YY1: variants seen among roughly 807,000 people sequenced by gnomAD.
The protein encoded by YY1 is YY1 transcription factor.
A neutral mutation model predicts 35.6 loss-of-function variants in YY1; 2 were observed. The observed-to-expected ratio is 0.06, with a 90% CI of 0.02 to 0.18. The LOEUF (loss-of-function observed/expected upper bound fraction) is 0.18. Among genes scored for constraint, YY1 ranks in the 10% least tolerant of loss-of-function variants. The pLI is 1.00. For synonymous variants in YY1, 268 were observed against 238.9 expected (o/e 1.12, Z -1.12); for missense variants, 322 against 573.4 (o/e 0.56, Z 4.48).
chr14:100,245,085 CGCT>C (rs1177486138), intron 1 of YY1, among the ~76,000 whole-genome samples: 10 of 151,972 alleles, frequency 6.6e-5, no homozygotes, highest in Admixed American at 6.6e-5. Flanking sequence ...TACAGGCGCC[CGCT>C]GCCACACCCG....
intron 2 of YY1, chr14:100,264,266 T>A (rs1891123006): frequency 6.6e-6 from 1 of 151,514 alleles, no homozygotes; most frequent in South Asian, 2.1e-4. Context: ...AACCCCCACC[T>A]CCTGGGTTCA....
At chr14:100,245,081 C>G (rs538180364) in intron 1 of YY1, among the ~76,000 whole-genome samples, 1 of 152,020 alleles carries the variant, frequency 6.6e-6, no homozygotes, top group South Asian at 2.1e-4. Context: ...GAACTACAGG[C>G]GCCCGCTGCC....
At chr14:100,243,871 C>T (rs1019675973) in intron 1 of YY1, among the ~76,000 whole-genome samples, 1 of 151,740 alleles carries the variant, frequency 6.6e-6, no homozygotes, top group Non-Finnish European at 1.5e-5. Context: ...TTTGGGAGGC[C>T]GAGGCGGGTG....
chr14:100,256,919 G>T (rs1240141390), intron 1 of YY1, among the ~76,000 whole-genome samples: 1 of 151,922 alleles, frequency 6.6e-6, no homozygotes. Context: ...TGGCCAACTG[G>T]CTGTACTAGT....
intron 1 of YY1, among the ~76,000 whole-genome samples, chr14:100,253,603 T>C (rs1253400285): frequency 6.6e-6 from 1 of 152,112 alleles, no homozygotes; most frequent in South Asian, 2.1e-4. Context: ...TTTTTAGTAT[T>C]GATGGAGTTT....
chr14:100,249,763 TG>T (rs1205303940), intron 1 of YY1, among the ~76,000 whole-genome samples: 9 of 137,276 alleles, frequency 6.6e-5, no homozygotes, highest in African/African-American at 1.9e-4. Context: ...TTTTTTTGTT[TG>T]TTTTTGTTTT....
In YY1 at chr14:100,277,886, AAAGAC is replaced by A; in HGVS notation, c.*289_*293del. The stretch of plus-strand genomic sequence containing the variant: ...AGGACAATTCATGAACTTCGCATCA[AAAGAC>A]AATTCTTTATACAACAGTGCTAAAA... On this transcript the variant is annotated 3_prime_UTR_variant, in exon 5 of 5. Coordinates refer to ENST00000262238, the MANE Select transcript of YY1 (RefSeq NM_003403.5). This position sits in a 1 kb window ranked among gnomAD's most constrained non-coding sequence, Gnocchi z 5.6. 1 of 401,304 alleles carries A rather than the reference AAAGAC, an allele frequency of 2.5e-6. No homozygotes were observed. The highest frequency in any genetic ancestry group is 2.9e-5 in the South Asian group (1 of 34,272). 24.9% of individuals were successfully genotyped at this position (401,304 alleles called of 1,614,324 possible).
At chr14:100,261,095 C>T (rs1290531497) in intron 1 of YY1, among the ~76,000 whole-genome samples, 4 of 151,802 alleles carry the variant, frequency 2.6e-5, no homozygotes, top group Non-Finnish European at 5.9e-5. Flanking sequence ...CTGCACCTGG[C>T]CTATTTTTTG....
chr14:100,250,370 T>C (rs1179961970), intron 1 of YY1, among the ~76,000 whole-genome samples: 2 of 152,112 alleles, frequency 1.3e-5, no homozygotes, highest in African/African-American at 4.8e-5. Context: ...CTTTTTTGTC[T>C]TTTTTTGCCA....
intron 1 of YY1, among the ~76,000 whole-genome samples, chr14:100,254,946 T>G (rs1890982428): frequency 9.5e-6 from 1 of 105,716 alleles, no homozygotes; most frequent in East Asian, 2.5e-4. Context: ...GCTAATTTTT[T>G]TTTTTTTTTT....
At chr14:100,254,924 C>T (rs930776109) in intron 1 of YY1, among the ~76,000 whole-genome samples, 2 of 147,772 alleles carry the variant, frequency 1.4e-5, no homozygotes, top group East Asian at 3.9e-4. Flanking sequence ...CAAGCGCCCG[C>T]CACCACGCCC....
In YY1 at chr14:100,240,784, G is replaced by A. The variant is rs1236036749; in HGVS notation, c.679+861G>A. Among the ~76,000 whole-genome samples, 3 of 152,140 alleles carry A rather than the reference G, an allele frequency of 2.0e-5. No homozygotes were observed. In the South Asian group the frequency reaches 6.2e-4, roughly 31 times the overall value. On this transcript the variant is annotated intron_variant, in intron 1 of 4. Coordinates refer to ENST00000262238, the MANE Select transcript of YY1 (RefSeq NM_003403.5). Reference sequence around the variant, plus strand: ...TAGCGAATAATTCTTAGTCACTTACGTTTTGGGAAAGCTTTTTTTTTTTCC... The same window carrying A: ...TAGCGAATAATTCTTAGTCACTTACATTTTGGGAAAGCTTTTTTTTTTTCC...
At chr14:100,253,998 T>C (rs1890963317) in intron 1 of YY1, among the ~76,000 whole-genome samples, 1 of 151,522 alleles carries the variant, frequency 6.6e-6, no homozygotes, top group Non-Finnish European at 1.5e-5. Context: ...CCTATAATCT[T>C]TTTTTTTATA....
intron 1 of YY1, among the ~76,000 whole-genome samples, chr14:100,240,517 C>T (rs183393818): frequency 3.4e-5 from 3 of 88,888 alleles, no homozygotes; most frequent in East Asian, 7.2e-4. Context: ...AAGGAGGGGG[C>T]TTGGCACTCG....
In YY1 at chr14:100,254,940, A is replaced by T. The variant is rs1353356824; in HGVS notation, c.680-7364A>T. Among the ~76,000 whole-genome samples the T allele has an allele frequency of 9.1e-4, 27 of 29,572 alleles. 1 individual carries two copies. In the South Asian group the frequency reaches 0.043, roughly 47 times the overall value. The allele number at this position is 29,572 out of a possible 152,430, so 19.4% of individuals were successfully genotyped here. ...AAGCGCCCGCCACCACGCCCAGCTA[A>T]TTTTTTTTTTTTTTTTTTTTTTTTT... is the stretch of plus-strand genomic sequence containing the variant. On this transcript the variant is annotated intron_variant, in intron 1 of 4. Transcript: ENST00000262238.
intron 2 of YY1, among the ~76,000 whole-genome samples, chr14:100,264,723 C>T (rs948984843): frequency 3.3e-5 from 5 of 152,122 alleles, no homozygotes; most frequent in Non-Finnish European, 7.3e-5. Context: ...TTCATACAGG[C>T]ACAGGAAATG....
At chr14:100,265,968 T>A (rs1891148651) in intron 2 of YY1, among the ~76,000 whole-genome samples, 1 of 152,100 alleles carries the variant, frequency 6.6e-6, no homozygotes, top group African/African-American at 2.4e-5. Flanking sequence ...TAAATTACAA[T>A]TGTGATTCTC....
At chr14:100,250,276 T>G (rs1188991420) in intron 1 of YY1, among the ~76,000 whole-genome samples, 2 of 152,208 alleles carry the variant, frequency 1.3e-5, no homozygotes, top group African/African-American at 4.8e-5. Context: ...CTATGTCTGA[T>G]TTTTGCCTGT....
rs757640136 is a variant in YY1, at chr14:100,276,480, C to G, written c.904-10C>G. 1.4e-5 allele frequency: 23 copies of G among 1,614,206 alleles called. No homozygotes were observed. The highest frequency in any genetic ancestry group is 2.2e-5 in the South Asian group (2 of 91,086). On this transcript the variant is annotated splice_polypyrimidine_tract_variant and intron_variant, in intron 3 of 4. Coordinates refer to ENST00000262238, the MANE Select transcript of YY1 (RefSeq NM_003403.5). This position sits in a 1 kb window ranked among gnomAD's most constrained non-coding sequence, Gnocchi z 4.1. ...AATGTGAACTTCTAAGCTGCTTTCT[C>G]TGTTTTAAGGGCTGCACAAAGATGT...
Sources: gnomAD v4.1 joint callset for allele counts (sites outside exome capture counted in the v4.1 genomes callset) on GRCh38, gnomAD v4.1.1 for gene constraint, Gnocchi (gnomAD v3.1) non-coding constraint, MANE v1.5 for transcripts, NCBI Gene and HGNC (gene_info 2026-07-23, HGNC 2026-07-21) for gene names.